The following DNAJC8 variants were observed in gnomAD, a reference collection of about 807,000 sequenced individuals.
The protein encoded by DNAJC8 is dnaJ homolog subfamily C member 8.
Under a neutral mutation model 43.2 loss-of-function variants are expected in DNAJC8, and 24 were observed. The ratio of observed to expected loss-of-function variants is 0.56; its 90% confidence interval spans 0.40 to 0.78. The LOEUF is 0.78. Among genes scored for constraint, DNAJC8 ranks in the 30% least tolerant of loss-of-function variants. The probability of loss-of-function intolerance (pLI) is 0.00; values close to 1 mark genes in which losing one functional copy is unlikely to be tolerated. For synonymous variants in DNAJC8, 83 were observed against 98.0 expected (o/e 0.85, Z 0.90); for missense variants, 207 against 299.4 (o/e 0.69, Z 2.28).
chr1:28,229,352 T>C (rs1226944494), intron 1 of DNAJC8, among the ~76,000 whole-genome samples: 2 of 152,188 alleles, frequency 1.3e-5, no homozygotes, highest in Admixed American at 6.6e-5. Context: ...CCCCAACAGT[T>C]TGACCCCACA....
intron 8 of DNAJC8, 22 bp from the exon 9 acceptor site, chr1:28,201,392 G>A: frequency 6.2e-7 from 1 of 1,613,522 alleles, no homozygotes; most frequent in South Asian, 1.1e-5. Context: ...AGAAGTTTGA[G>A]GTGAGGAGAC....
chr1:28,205,445 T>C, intron 6 of DNAJC8, 96 bp from the exon 7 acceptor site: 1 of 890,216 alleles, frequency 1.1e-6, no homozygotes, highest in Non-Finnish European at 1.7e-6. Flanking sequence ...ATAAAGCAGA[T>C]TAAAACCTGG....
intron 2 of DNAJC8, among the ~76,000 whole-genome samples, chr1:28,227,407 CAAAA>C (rs1190572347): frequency 2.0e-5 from 1 of 49,184 alleles, no homozygotes. Context: ...GACTTCATCT[CAAAA>C]AAAAAAAAAA....
At position 28,201,500 on chromosome 1, in the gene DNAJC8, T is replaced by C. The variant is rs969793180; in HGVS notation, c.640-130A>G. ...CCTCTGGAATAACCCAAGAGTAGAA[T>C]AGAGCTGGCCAGGCACAGTGGCTCA... On this transcript the variant is annotated intron_variant, in intron 8 of 8. Coordinates refer to ENST00000263697, the MANE Select transcript of DNAJC8 (RefSeq NM_014280.3). 10 of 1,413,260 alleles carry C rather than the reference T, an allele frequency of 7.1e-6. No individual in the cohort carries two copies. In the African/African-American group the frequency reaches 7.1e-5, roughly 10 times the overall value. The allele number at this position is 1,413,260 out of a possible 1,614,324, so 87.5% of individuals were successfully genotyped here.
chr1:28,210,222 G>C (rs1377036713), intron 4 of DNAJC8, 156 bp from the exon 5 acceptor site: 1 of 659,996 alleles, frequency 1.5e-6, no homozygotes, highest in Non-Finnish European at 2.6e-6. Flanking sequence ...TTCAACTATA[G>C]CAATGACTTT....
At chr1:28,229,190 T>G (rs1175874708) in intron 1 of DNAJC8, among the ~76,000 whole-genome samples, 167 bp from the exon 2 acceptor site, 1 of 152,228 alleles carries the variant, frequency 6.6e-6, no homozygotes, top group East Asian at 1.9e-4. Context: ...TTTGTTGAAT[T>G]TTAATATAAA....
intron 2 of DNAJC8, among the ~76,000 whole-genome samples, chr1:28,225,079 G>T (rs761109838): frequency 2.6e-5 from 4 of 151,078 alleles, no homozygotes; most frequent in Non-Finnish European, 3.0e-5. Flanking sequence ...ACCTGAATGG[G>T]GTCTGATGAT....
chr1:28,200,704 TAGAC>T lies in DNAJC8; in HGVS notation c.*540_*543del, dbSNP rs1646727619. On this transcript the variant is annotated 3_prime_UTR_variant, in exon 9 of 9. Coordinates refer to ENST00000263697, the MANE Select transcript of DNAJC8 (RefSeq NM_014280.3). The stretch of plus-strand genomic sequence containing the variant: ...GCCTCATGCCACACTGATTGGTCAG[TAGAC>T]AGGGGGCACATGCCAAACACCACAG... 1 of 454,356 alleles carries T rather than the reference TAGAC, an allele frequency of 2.2e-6. No individual in the cohort carries two copies. The highest frequency in any genetic ancestry group is 4.4e-6 in the Non-Finnish European group (1 of 226,776). The allele number at this position is 454,356 out of a possible 1,614,324, so 28.1% of individuals were successfully genotyped here.
intron 3 of DNAJC8, among the ~76,000 whole-genome samples, chr1:28,213,837 G>A (rs910977292): frequency 3.3e-5 from 5 of 152,148 alleles, no homozygotes; most frequent in East Asian, 3.9e-4. Flanking sequence ...GCAACATGGC[G>A]AAACTCTGTC....
intron 2 of DNAJC8, among the ~76,000 whole-genome samples, chr1:28,216,182 C>A (rs1230042881): frequency 2.0e-5 from 3 of 152,168 alleles, no homozygotes; most frequent in Non-Finnish European, 4.4e-5. Context: ...AACCCCGTCT[C>A]TACTAAAAAT....
At chr1:28,212,586 T>C (rs1646822754) in intron 3 of DNAJC8, among the ~76,000 whole-genome samples, 1 of 152,032 alleles carries the variant, frequency 6.6e-6, no homozygotes, top group Admixed American at 6.6e-5. Context: ...TTGTCCATTC[T>C]TTTTTCTATA....
chr1:28,221,381 T>G (rs1646897492), intron 2 of DNAJC8, among the ~76,000 whole-genome samples: 1 of 151,888 alleles, frequency 6.6e-6, no homozygotes, highest in South Asian at 2.1e-4. Context: ...GAAAGAACAG[T>G]CAGGGAGTCC....
intron 1 of DNAJC8, among the ~76,000 whole-genome samples, chr1:28,229,574 G>A (rs1646959827): frequency 6.6e-6 from 1 of 152,168 alleles, no homozygotes; most frequent in Non-Finnish European, 1.5e-5. Context: ...AGGAGATGGA[G>A]TCCATCCTGG....
intron 2 of DNAJC8, 118 bp downstream of exon 2, chr1:28,228,804 C>A: frequency 1.2e-6 from 1 of 817,376 alleles, no homozygotes; most frequent in Non-Finnish European, 2.0e-6. Context: ...CACTTTACTC[C>A]ACCATTTTTC....
intron 2 of DNAJC8, among the ~76,000 whole-genome samples, chr1:28,226,876 T>C (rs1237270556): frequency 6.6e-6 from 1 of 151,216 alleles, no homozygotes; most frequent in Admixed American, 6.6e-5. Flanking sequence ...AATAATGTAA[T>C]TTATAATAAA....
intron 2 of DNAJC8, among the ~76,000 whole-genome samples, chr1:28,225,015 T>C (rs1646924538): frequency 6.6e-6 from 1 of 150,974 alleles, no homozygotes; most frequent in Non-Finnish European, 1.5e-5. Flanking sequence ...AGCTATACAG[T>C]GAGCGGAGTG....
Position 28,200,450 on chromosome 1 carries a change from G to C in DNAJC8, c.*798C>G. 2.2e-6 allele frequency: 1 copy of C among 454,560 alleles called. No homozygotes were observed. Among genetic ancestry groups the C allele is most frequent in the Non-Finnish European group, 4.4e-6 (1 of 226,346 alleles). The allele number at this position is 454,560 out of a possible 1,614,324, so 28.2% of individuals were successfully genotyped here. A position where few individuals can be genotyped will look rare whatever the true frequency, so the allele number is the denominator to read the frequency against. ...TTCATATTCCCATTTCATAGATGAAGAAACTAAGGTTCAGCCAGGTCTGTC... is the reference window on the plus strand; with the variant it reads ...TTCATATTCCCATTTCATAGATGAACAAACTAAGGTTCAGCCAGGTCTGTC... On this transcript the variant is annotated 3_prime_UTR_variant, in exon 9 of 9. Transcript: ENST00000263697.
At chr1:28,216,070 C>T (rs1240325645) in intron 2 of DNAJC8, among the ~76,000 whole-genome samples, 5 of 151,630 alleles carry the variant, frequency 3.3e-5, no homozygotes, top group East Asian at 2.0e-4. Flanking sequence ...TCTCCCTGGC[C>T]GGGCGCAGTG....
chr1:28,220,490 G>C (rs1646891135), intron 2 of DNAJC8, among the ~76,000 whole-genome samples: 1 of 152,226 alleles, frequency 6.6e-6, no homozygotes, highest in Non-Finnish European at 1.5e-5. Flanking sequence ...TACTTCTGTA[G>C]GCTGGGAAGT....
Sources: allele counts gnomAD v4.1 joint callset (sites outside exome capture counted in the v4.1 genomes callset), GRCh38; gene constraint gnomAD v4.1.1; transcripts MANE v1.5; gene names NCBI Gene and HGNC (gene_info 2026-07-23, HGNC 2026-07-21).